Variants in ZEB1 observed in about 807,000 individuals in gnomAD.
ZEB1 encodes the protein zinc finger E-box binding homeobox 1.
A neutral mutation model predicts 84.9 loss-of-function variants in ZEB1; 21 were observed. The observed-to-expected ratio is 0.25, with a 90% CI of 0.18 to 0.36. The LOEUF is 0.36. ZEB1 is among the 10% of genes least tolerant of loss of function. The probability of loss-of-function intolerance (pLI) is 1.00; values close to 1 mark genes in which losing one functional copy is unlikely to be tolerated. For missense variants in ZEB1, 1,104 were observed against 1,330.2 expected (o/e 0.83, Z 2.65); for synonymous variants, 420 against 471.1 (o/e 0.89, Z 1.41).
At chr10:31,450,578 T>C (rs1369689366) in intron 1 of ZEB1, among the ~76,000 whole-genome samples, 1 of 152,286 alleles carries the variant, frequency 6.6e-6, no homozygotes, top group South Asian at 2.1e-4. Flanking sequence ...TAAAAATTGG[T>C]TTATTCTTGT....
chr10:31,443,769 T>A (rs976680589), intron 1 of ZEB1, among the ~76,000 whole-genome samples: 6 of 149,386 alleles, frequency 4.0e-5, no homozygotes, highest in African/African-American at 1.5e-4. Context: ...TGCATAGTAT[T>A]CCATGGTGTA....
intron 1 of ZEB1, among the ~76,000 whole-genome samples, chr10:31,405,519 A>G (rs955605402): frequency 7.9e-5 from 12 of 152,150 alleles, no homozygotes; most frequent in African/African-American, 2.9e-4. Flanking sequence ...TATTATTTCT[A>G]AAGTGGTAAT....
intron 4 of ZEB1, among the ~76,000 whole-genome samples, chr10:31,509,101 G>C (rs564317879): frequency 6.6e-6 from 1 of 152,296 alleles, no homozygotes; most frequent in South Asian, 2.1e-4. Flanking sequence ...TGACTGGGAA[G>C]GGAGGTATGT....
At position 31,520,868 on chromosome 10, in the gene ZEB1, T is replaced by A. The variant is rs774884156; in HGVS notation, c.1536T>A (p.Asp512Glu). ...GTAAAAGTGAAAAGTTACCAGAAGA[T>A]CTTACTGTTAAGTCTGAGAAGGACA... Reference protein sequence around the residue: ...NSCKSEKLPEDLTVKSEKDKS... With the variant: ...NSCKSEKLPEELTVKSEKDKS... The change falls in exon 7 of 9, where the codon GAT (aspartate) becomes GAA (glutamate). Residue 512 changes from aspartate to glutamate, a missense_variant. Physicochemically the swap from Asp to Glu is conservative, Grantham distance 45. Coordinates refer to ENST00000424869, the MANE Select transcript of ZEB1 (RefSeq NM_001174096.2). This position sits in a 1 kb window ranked among gnomAD's most constrained non-coding sequence, Gnocchi z 5.1. 2 of 1,613,966 alleles carry A rather than the reference T, an allele frequency of 1.2e-6. No homozygotes were observed. The highest frequency in any genetic ancestry group is 2.7e-5 in the African/African-American group (2 of 74,888).
intron 1 of ZEB1, among the ~76,000 whole-genome samples, chr10:31,422,532 G>C (rs747576394): frequency 2.6e-5 from 4 of 152,076 alleles, no homozygotes; most frequent in South Asian, 2.1e-4. Context: ...GAATTAAACA[G>C]TAAAATTAAA....
In ZEB1 at chr10:31,526,653, C is replaced by CAGAAT. The variant is rs1301277365; in HGVS notation, c.2786-18_2786-14dup. On this transcript the variant is annotated intron_variant, in intron 8 of 8. Transcript: ENST00000424869. Reference sequence around the variant, plus strand: ...TGCTGAATACCACCATTTTATTTAACAGAATTCTTATTTTGCAGGTAAAAG... The same window carrying CAGAAT: ...TGCTGAATACCACCATTTTATTTAACAGAATAGAATTCTTATTTTGCAGGTAAAAG... 1 of 1,612,378 alleles carries CAGAAT rather than the reference C, an allele frequency of 6.2e-7. No homozygotes were observed. Among genetic ancestry groups the CAGAAT allele is most frequent in the South Asian group, 1.1e-5 (1 of 90,880 alleles).
In ZEB1 at chr10:31,407,410, A is replaced by G. The variant is rs550212220; in HGVS notation, c.59-53627A>G. ...GATTTCCAATTTCATCCATGTCCCT[A>G]CAAAGGACATGACCTCATCATTTTT... On this transcript the variant is annotated intron_variant, in intron 1 of 8. Coordinates refer to ENST00000424869, the MANE Select transcript of ZEB1 (RefSeq NM_001174096.2). Among the ~76,000 whole-genome samples, 49 of 151,964 alleles carry G rather than the reference A, an allele frequency of 3.2e-4. 1 individual carries two copies. In the South Asian group the frequency reaches 8.5e-3, roughly 27 times the overall value.
intron 1 of ZEB1, among the ~76,000 whole-genome samples, chr10:31,460,118 T>C (rs1393004905): frequency 2.0e-5 from 3 of 152,010 alleles, no homozygotes; most frequent in Non-Finnish European, 4.4e-5. Context: ...GTACTAAATA[T>C]TCATCCTGTT....
intron 5 of ZEB1, among the ~76,000 whole-genome samples, chr10:31,513,323 A>G (rs1174568253): frequency 1.3e-5 from 2 of 152,170 alleles, no homozygotes; most frequent in East Asian, 1.9e-4. Context: ...CAAATAAATG[A>G]TAGTGCTATT....
At chr10:31,352,999 G>A (rs1408013794) in intron 1 of ZEB1, among the ~76,000 whole-genome samples, 1 of 152,126 alleles carries the variant, frequency 6.6e-6, no homozygotes, top group Admixed American at 6.6e-5. Context: ...GCTGAGCATG[G>A]GTATTTGCCA....
intron 2 of ZEB1, among the ~76,000 whole-genome samples, chr10:31,478,203 C>T (rs2064522783): frequency 6.6e-6 from 1 of 151,980 alleles, no homozygotes; most frequent in Non-Finnish European, 1.5e-5. Flanking sequence ...AGGACATGGA[C>T]AGACATTTCT....
intron 1 of ZEB1, among the ~76,000 whole-genome samples, chr10:31,346,730 T>G (rs944863234): frequency 6.6e-6 from 1 of 152,148 alleles, no homozygotes; most frequent in African/African-American, 2.4e-5. Context: ...TTTAGTCTGG[T>G]TGTTCTTATT....
intron 6 of ZEB1, among the ~76,000 whole-genome samples, chr10:31,517,900 A>G (rs1320818702): frequency 6.6e-6 from 1 of 152,108 alleles, no homozygotes; most frequent in Non-Finnish European, 1.5e-5. Flanking sequence ...TGATGAGAAA[A>G]TTGAGGCTCA....
chr10:31,504,077 G>C (rs1200900699), intron 4 of ZEB1, among the ~76,000 whole-genome samples: 2 of 141,934 alleles, frequency 1.4e-5, no homozygotes, highest in Non-Finnish European at 2.9e-5. Flanking sequence ...TTTTCTTCTA[G>C]TTTTATGGTG....
intron 1 of ZEB1, among the ~76,000 whole-genome samples, chr10:31,449,596 T>C (rs1407389440): frequency 6.6e-6 from 1 of 152,194 alleles, no homozygotes; most frequent in African/African-American, 2.4e-5. Context: ...CCCCACTAAT[T>C]TGCAAGACTC....
chr10:31,322,530 A>G (rs1412266192), intron 1 of ZEB1, among the ~76,000 whole-genome samples: 1 of 152,236 alleles, frequency 6.6e-6, no homozygotes, highest in Non-Finnish European at 1.5e-5. Flanking sequence ...TAAAAGGAGT[A>G]TCAGGTAATG....
intron 1 of ZEB1, among the ~76,000 whole-genome samples, chr10:31,398,694 A>G (rs987038580): frequency 1.4e-4 from 21 of 152,130 alleles, no homozygotes; most frequent in South Asian, 2.1e-4. Context: ...CATGCTGCCA[A>G]TCAGATGGTC....
At chr10:31,514,956 A>G (rs1003460565) in intron 6 of ZEB1, among the ~76,000 whole-genome samples, 1 of 152,214 alleles carries the variant, frequency 6.6e-6, no homozygotes, top group Non-Finnish European at 1.5e-5. Flanking sequence ...AGCATGTTTT[A>G]GTAAGTACAA....
At chr10:31,450,312 A>G (rs747432799) in intron 1 of ZEB1, among the ~76,000 whole-genome samples, 3 of 151,770 alleles carry the variant, frequency 2.0e-5, no homozygotes, top group East Asian at 1.9e-4. Flanking sequence ...CATGTGTTTC[A>G]TTTGTGTTGC....
Sources: gnomAD v4.1 joint callset for allele counts (sites outside exome capture counted in the v4.1 genomes callset) on GRCh38, gnomAD v4.1.1 for gene constraint, Gnocchi (gnomAD v3.1) non-coding constraint, MANE v1.5 for transcripts, NCBI Gene and HGNC (gene_info 2026-07-23, HGNC 2026-07-21) for gene names.